Variants in SEL1L observed in about 807,000 individuals in gnomAD.
SEL1L encodes SEL1L adaptor subunit of SYVN1 ubiquitin ligase.
In SEL1L, 52 loss-of-function variants were observed where a neutral mutation model predicts 109.8. That is an observed-to-expected ratio of 0.47 (90% confidence interval 0.38 to 0.60). The LOEUF (loss-of-function observed/expected upper bound fraction) is 0.60, where lower values mean the gene tolerates loss of function less well. Among genes scored for constraint, SEL1L ranks in the 20% least tolerant of loss-of-function variants. The pLI is 0.00. For synonymous variants in SEL1L, 373 were observed against 339.6 expected, an observed-to-expected ratio of 1.10 and a Z score of -1.08; for missense variants, 749 against 962.2, an observed-to-expected ratio of 0.78 and a Z score of 2.93.
chr14:81,490,595 G>A, intron 12 of SEL1L, 130 bp from the exon 13 acceptor site: 1 of 706,660 alleles, frequency 1.4e-6, no homozygotes, highest in Non-Finnish European at 2.4e-6. Flanking sequence ...ATTCCCCACA[G>A]GATATTTTAG....
intron 3 of SEL1L, among the ~76,000 whole-genome samples, chr14:81,512,440 C>A (rs1197004648): frequency 6.6e-6 from 1 of 152,198 alleles, no homozygotes; most frequent in Non-Finnish European, 1.5e-5. Context: ...ACCACTTCCC[C>A]AGGAGAAATA....
intron 10 of SEL1L, among the ~76,000 whole-genome samples, chr14:81,497,174 A>G (rs180765852): frequency 2.6e-5 from 4 of 152,254 alleles, no homozygotes; most frequent in African/African-American, 9.6e-5. Context: ...ATCAGCTAAC[A>G]TTTAGATCTA....
chr14:81,503,069 T>C (rs1228705277), intron 5 of SEL1L, among the ~76,000 whole-genome samples, 186 bp from the exon 6 acceptor site: 10 of 152,236 alleles, frequency 6.6e-5, no homozygotes, highest in African/African-American at 2.4e-4. Context: ...CTCGGTTCAT[T>C]GCAACCTCCA....
At chr14:81,477,630 C>A (rs758679118) in intron 20 of SEL1L, among the ~76,000 whole-genome samples, 1 of 151,986 alleles carries the variant, frequency 6.6e-6, no homozygotes, top group African/African-American at 2.4e-5. Flanking sequence ...CTGGCCAACA[C>A]GGTGAAATCC....
In SEL1L at chr14:81,472,617, A is replaced by G; in HGVS notation, c.*4355T>C. On this transcript the variant is annotated 3_prime_UTR_variant, in exon 21 of 21. Coordinates refer to ENST00000336735, the MANE Select transcript of SEL1L (RefSeq NM_005065.6). The stretch of plus-strand genomic sequence containing the variant: ...CAATGCATAAACAAACTTTAGATAA[A>G]TAATATTATAATCAGGCTAAAGTGA... The G allele has an allele frequency of 2.2e-6, 1 of 452,246 alleles. No homozygotes were observed. Among genetic ancestry groups the G allele is most frequent in the South Asian group, 1.6e-5 (1 of 63,106 alleles). The allele number at this position is 452,246 out of a possible 1,614,324, so 28.0% of individuals were successfully genotyped here. A position where few individuals can be genotyped will look rare whatever the true frequency, so the allele number is the denominator to read the frequency against.
intron 12 of SEL1L, 74 bp from the exon 13 acceptor site, chr14:81,490,539 C>T (rs1418266476): frequency 4.4e-6 from 5 of 1,141,578 alleles, no homozygotes; most frequent in Non-Finnish European, 6.6e-6. Flanking sequence ...TTCTCATCTC[C>T]TTTGAGTTTT....
At position 81,487,723 on chromosome 14, in the gene SEL1L, A is replaced by C. The variant is rs1249485659; in HGVS notation, c.1483+132T>G. 3.3e-6 allele frequency: 5 copies of C among 1,510,800 alleles called. No individual in the cohort carries two copies. In the African/African-American group the frequency reaches 7.0e-5, roughly 21 times the overall value. 93.6% of individuals were successfully genotyped at this position (1,510,800 alleles called of 1,614,324 possible). A position where few individuals can be genotyped will look rare whatever the true frequency, so the allele number is the denominator to read the frequency against. On this transcript the variant is annotated intron_variant, in intron 15 of 20. Transcript: ENST00000336735. ...TTTACAATGAAAAACAAGATGTACA[A>C]ATCATTGAACTGGGAGAACATTTAA... is the stretch of plus-strand genomic sequence containing the variant.
At chr14:81,480,775 T>C (rs897167408) in intron 19 of SEL1L, among the ~76,000 whole-genome samples, 1 of 152,218 alleles carries the variant, frequency 6.6e-6, no homozygotes, top group African/African-American at 2.4e-5. Flanking sequence ...AGGGACTCGA[T>C]TCTGCAGTTC....
At chr14:81,518,924 A>G in intron 3 of SEL1L, among the ~76,000 whole-genome samples, 1 of 152,280 alleles carries the variant, frequency 6.6e-6, no homozygotes, top group Admixed American at 6.5e-5. Context: ...AAAAACAGAC[A>G]TAAACTTCTC....
chr14:81,483,490 A>G (rs1286939446), intron 19 of SEL1L, among the ~76,000 whole-genome samples: 1 of 152,228 alleles, frequency 6.6e-6, no homozygotes, highest in Non-Finnish European at 1.5e-5. Flanking sequence ...TAAAAACAAT[A>G]CATTAGTATT....
chr14:81,507,523 G>A (rs1458772924), intron 3 of SEL1L, among the ~76,000 whole-genome samples: 1 of 151,748 alleles, frequency 6.6e-6, no homozygotes, highest in African/African-American at 2.4e-5. Context: ...GGAGGAGTAG[G>A]TTACTGGGTA....
intron 16 of SEL1L, 135 bp downstream of exon 16, chr14:81,487,255 C>T (rs1180527904): frequency 2.0e-5 from 15 of 744,022 alleles, no homozygotes; most frequent in Non-Finnish European, 3.1e-5. Context: ...TCGGTCTTCC[C>T]TCAGTATATC....
chr14:81,487,309 A>C (rs1903550175), intron 16 of SEL1L, 81 bp downstream of exon 16: 1 of 1,380,202 alleles, frequency 7.2e-7, no homozygotes, highest in Non-Finnish European at 9.6e-7. Context: ...GAAAACATAC[A>C]AAAAAACCAG....
chr14:81,521,985 TTGTC>T (rs1287757223), intron 3 of SEL1L, among the ~76,000 whole-genome samples: 1 of 152,138 alleles, frequency 6.6e-6, no homozygotes, highest in East Asian at 1.9e-4. Context: ...ATGTGTATGT[TTGTC>T]TTAGTTTTTA....
At chr14:81,529,423 TG>T (rs1180965341) in intron 1 of SEL1L, among the ~76,000 whole-genome samples, 2 of 152,196 alleles carry the variant, frequency 1.3e-5, no homozygotes, top group Non-Finnish European at 2.9e-5. Flanking sequence ...TTAGATTAGC[TG>T]GAACTCTAAA....
chr14:81,512,005 G>A (rs934104669), intron 3 of SEL1L, among the ~76,000 whole-genome samples: 1 of 152,072 alleles, frequency 6.6e-6, no homozygotes, highest in African/African-American at 2.4e-5. Flanking sequence ...TTTTTCATTT[G>A]CAAACTTATT....
At chr14:81,527,057 T>C (rs1595538252) in intron 2 of SEL1L, 93 bp from the exon 3 acceptor site, 2 of 857,634 alleles carry the variant, frequency 2.3e-6, no homozygotes, top group African/African-American at 3.4e-5. Context: ...ATATCACATC[T>C]CCTTCAGCTC....
At chr14:81,496,167 C>T (rs2140006899) in intron 10 of SEL1L, among the ~76,000 whole-genome samples, 1 of 151,422 alleles carries the variant, frequency 6.6e-6, no homozygotes, top group South Asian at 2.1e-4. Context: ...ACTAAAAATA[C>T]AAAAAAATTA....
At chr14:81,531,615 A>G (rs1175347525) in intron 1 of SEL1L, among the ~76,000 whole-genome samples, 1 of 151,698 alleles carries the variant, frequency 6.6e-6, no homozygotes, top group Non-Finnish European at 1.5e-5. Context: ...GTGCAGTGGC[A>G]TAATCACAGC....
Sources: allele counts gnomAD v4.1 joint callset (sites outside exome capture counted in the v4.1 genomes callset), GRCh38; gene constraint gnomAD v4.1.1; transcripts MANE v1.5; gene names NCBI Gene and HGNC (gene_info 2026-07-23, HGNC 2026-07-21).